STIM1: variants seen among roughly 807,000 people sequenced by gnomAD.
The protein encoded by STIM1 is stromal interaction molecule 1.
A neutral mutation model predicts 74.7 loss-of-function variants in STIM1; 25 were observed. The observed-to-expected ratio is 0.33, with a 90% confidence interval of 0.24 to 0.47. The LOEUF (loss-of-function observed/expected upper bound fraction) is 0.47. Among genes scored for constraint, STIM1 ranks in the 20% least tolerant of loss-of-function variants. The pLI is 1.00. For missense variants in STIM1, 728 were observed against 920.8 expected (o/e 0.79, Z 2.71); for synonymous variants, 328 against 348.8 (o/e 0.94, Z 0.66).
intron 1 of STIM1, among the ~76,000 whole-genome samples, chr11:3,876,516 C>G (rs2091311601): frequency 6.6e-6 from 1 of 152,220 alleles, no homozygotes; most frequent in East Asian, 1.9e-4. Flanking sequence ...AGCAATCCTC[C>G]TGCTTCAGCC....
At chr11:4,088,518 T>C (rs929083060) in intron 12 of STIM1, 1 of 582,662 alleles carries the variant, frequency 1.7e-6, no homozygotes, top group Admixed American at 2.6e-5. Context: ...TCCAAAAGCC[T>C]AGGAAGGGAG....
At chr11:4,055,664 G>A (rs201023169) in intron 4 of STIM1, 27 bp downstream of exon 4, 6 of 1,539,580 alleles carry the variant, frequency 3.9e-6, no homozygotes, top group Non-Finnish European at 5.3e-6. Context: ...GTTTTTCTCT[G>A]TTGAGGGTAC....
At chr11:4,071,414 G>A (rs2094402764) in intron 6 of STIM1, among the ~76,000 whole-genome samples, 1 of 152,054 alleles carries the variant, frequency 6.6e-6, no homozygotes, top group Admixed American at 6.5e-5. Flanking sequence ...TCAATAGCAT[G>A]AACATGGCTC....
chr11:3,898,247 C>T (rs1020489212), intron 1 of STIM1, among the ~76,000 whole-genome samples: 2 of 148,704 alleles, frequency 1.3e-5, no homozygotes, highest in Non-Finnish European at 3.0e-5. Flanking sequence ...TTTTGATTTG[C>T]ATTTCTCTGA....
At chr11:3,938,650 C>T (rs2135591913) in intron 1 of STIM1, among the ~76,000 whole-genome samples, 1 of 152,212 alleles carries the variant, frequency 6.6e-6, no homozygotes, top group East Asian at 1.9e-4. Flanking sequence ...AGTTTGAGAC[C>T]AGCCTGGCCA....
chr11:4,067,666 G>T (rs2094376982), intron 5 of STIM1, among the ~76,000 whole-genome samples: 1 of 152,180 alleles, frequency 6.6e-6, no homozygotes, highest in African/African-American at 2.4e-5. Flanking sequence ...CAGTTTCTTG[G>T]TCTACAGAAT....
At chr11:4,059,493 A>G in intron 5 of STIM1, 97 bp downstream of exon 5, 1 of 924,080 alleles carries the variant, frequency 1.1e-6, no homozygotes, top group Non-Finnish European at 1.7e-6. Context: ...TCCTAGGCAC[A>G]CCTGCAAGAT....
chr11:3,918,200 G>A lies in STIM1; in HGVS notation c.140-49352G>A, dbSNP rs919478321. 1.1e-4 allele frequency among the ~76,000 whole-genome samples: 17 copies of A among 152,056 alleles called. 1 individual carries two copies. Among genetic ancestry groups the A allele is most frequent in the African/African-American group, 3.9e-4 (16 of 41,398 alleles). On this transcript the variant is annotated intron_variant, in intron 1 of 12. Coordinates refer to ENST00000526596, the MANE Select transcript of STIM1 (RefSeq NM_001382567.1). The stretch of plus-strand genomic sequence containing the variant: ...TGGCAAAGAAAGATATCAGATTTGG[G>A]TATGCATCCTAACAGCTTATTGAAA...
At chr11:3,858,679 G>C (rs1230800962) in intron 1 of STIM1, among the ~76,000 whole-genome samples, 1 of 152,168 alleles carries the variant, frequency 6.6e-6, no homozygotes, top group Non-Finnish European at 1.5e-5. Flanking sequence ...CAGCCTCTCT[G>C]TATCCCCAGA....
chr11:4,003,104 C>G (rs2093736911), intron 2 of STIM1, among the ~76,000 whole-genome samples: 1 of 145,802 alleles, frequency 6.9e-6, no homozygotes, highest in Non-Finnish European at 1.5e-5. Flanking sequence ...CAATAGCTTA[C>G]CAACCAAAAA....
At chr11:4,069,945 T>C (rs1179709522) in intron 5 of STIM1, 81 bp from the exon 6 acceptor site, 7 of 1,503,322 alleles carry the variant, frequency 4.7e-6, no homozygotes, top group African/African-American at 4.1e-5. Flanking sequence ...GAAGGCTTCA[T>C]AGAGGAGGGA....
At chr11:4,047,933 C>T (rs1187846630) in intron 3 of STIM1, among the ~76,000 whole-genome samples, 3 of 152,040 alleles carry the variant, frequency 2.0e-5, no homozygotes, top group Admixed American at 1.3e-4. Flanking sequence ...ATTCTTCTGC[C>T]TCAGCCTCCC....
At chr11:3,918,114 C>G (rs1292752915) in intron 1 of STIM1, among the ~76,000 whole-genome samples, 1 of 152,124 alleles carries the variant, frequency 6.6e-6, no homozygotes, top group Non-Finnish European at 1.5e-5. Context: ...CACTCTCTCC[C>G]CCTTTGGCTC....
intron 2 of STIM1, among the ~76,000 whole-genome samples, chr11:3,977,194 C>G (rs950140964): frequency 2.6e-5 from 4 of 152,038 alleles, no homozygotes; most frequent in Non-Finnish European, 5.9e-5. Flanking sequence ...CAGTGCCCAA[C>G]AAAGTCTGTT....
chr11:3,917,359 C>T (rs2092659765), intron 1 of STIM1, among the ~76,000 whole-genome samples: 2 of 151,784 alleles, frequency 1.3e-5, no homozygotes, highest in South Asian at 4.2e-4. Context: ...AGTTGGATGA[C>T]TTAAGACTCG....
intron 5 of STIM1, among the ~76,000 whole-genome samples, chr11:4,065,471 T>C (rs1220017226): frequency 1.7e-5 from 2 of 117,426 alleles, no homozygotes; most frequent in Non-Finnish European, 3.3e-5. Context: ...CCCTTTGTAC[T>C]TTTTTTTTTT....
At chr11:3,953,780 C>CTTTTTTTTTTTTTTTTTTTTT (rs201952182) in intron 1 of STIM1, among the ~76,000 whole-genome samples, 1 of 131,090 alleles carries the variant, frequency 7.6e-6, no homozygotes, top group Non-Finnish European at 1.6e-5. Context: ...TGATCTTCTT[C>CTTTTTTTTTTTTTTTTTTTTT]TTTCTTTTTT....
intron 5 of STIM1, among the ~76,000 whole-genome samples, chr11:4,060,758 A>ATGTCAACAAATATAGTAAAG (rs1217530054): frequency 1.3e-5 from 2 of 152,220 alleles, no homozygotes; most frequent in Non-Finnish European, 2.9e-5. Flanking sequence ...GGAGATAGCT[A>ATGTCAACAAATATAGTAAAG]TGTCAACAAA....
At position 4,091,312 on chromosome 11, in the gene STIM1, C is replaced by T. The variant is rs1255358719; in HGVS notation, c.1665C>T (p.Ser555=). Residue 555 remains serine, a synonymous_variant, in exon 13 of 13, where the codon TCC becomes TCT. Transcript: ENST00000526596. ...TGACCCATTCCGATTCGGAGTCCTC[C>T]CTCCACATGAGTGACCGCCAGCGTG... ...RDLTHSDSES[S]LHMSDRQRVA... 1.2e-6 allele frequency: 2 copies of T among 1,614,114 alleles called. No individual in the cohort carries two copies. The highest frequency in any genetic ancestry group is 1.3e-5 in the African/African-American group (1 of 74,946).
Sources: gnomAD v4.1 joint callset for allele counts (sites outside exome capture counted in the v4.1 genomes callset) on GRCh38, gnomAD v4.1.1 for gene constraint, MANE v1.5 for transcripts, NCBI Gene and HGNC (gene_info 2026-07-23, HGNC 2026-07-21) for gene names.